Variants in RORA observed in about 807,000 individuals in gnomAD.
RORA encodes the protein nuclear receptor ROR-alpha.
In RORA, 7 loss-of-function variants were observed where a neutral mutation model predicts 69.5. The ratio of observed to expected loss-of-function variants is 0.10; its 90% CI spans 0.06 to 0.19. The LOEUF is 0.19. RORA is among the 10% of genes least tolerant of loss of function. The pLI is 1.00. For missense variants in RORA, 457 were observed against 663.0 expected (o/e 0.69, Z 3.41); for synonymous variants, 261 against 240.8 (o/e 1.08, Z -0.78).
intron 2 of RORA, among the ~76,000 whole-genome samples, chr15:60,560,726 C>T (rs1415414034): frequency 6.6e-6 from 1 of 150,724 alleles, no homozygotes; most frequent in Non-Finnish European, 1.5e-5. Context: ...TAACTGTATT[C>T]AAATGACTTT....
intron 1 of RORA, among the ~76,000 whole-genome samples, chr15:61,212,549 AC>A (rs1373136607): frequency 1.3e-5 from 2 of 151,984 alleles, no homozygotes; most frequent in Non-Finnish European, 2.9e-5. Context: ...ACAAGTGCAC[AC>A]CTGGCTAATT....
chr15:60,832,954 G>C (rs2073064766), intron 1 of RORA, among the ~76,000 whole-genome samples: 2 of 152,042 alleles, frequency 1.3e-5, no homozygotes, highest in East Asian at 1.9e-4. Flanking sequence ...GCCCAGGCTG[G>C]AGTGCAGTGG....
rs192475315 is a variant in RORA at position 60,859,512 on chromosome 15, T to C, written c.167-180826A>G. ...TTTTTTGAGACAGGGTCTTGCTCTG[T>C]CATCCAGGCTGGAGTGCAGTGGCAC... On this transcript the variant is annotated intron_variant, in intron 1 of 10. Coordinates refer to ENST00000335670, the MANE Select transcript of RORA (RefSeq NM_134261.3). Among the ~76,000 whole-genome samples, 168 of 151,014 alleles carry C rather than the reference T, an allele frequency of 1.1e-3. 1 individual carries two copies. The highest frequency in any genetic ancestry group is 2.9e-3 in the African/African-American group (120 of 41,120).
At chr15:60,709,040 A>T (rs1173299331) in intron 1 of RORA, among the ~76,000 whole-genome samples, 1 of 152,234 alleles carries the variant, frequency 6.6e-6, no homozygotes, top group African/African-American at 2.4e-5. Flanking sequence ...GCCCATGAGC[A>T]TGGGGAAAAT....
At chr15:60,777,317 C>T (rs1264847754) in intron 1 of RORA, among the ~76,000 whole-genome samples, 1 of 152,200 alleles carries the variant, frequency 6.6e-6, no homozygotes, top group African/African-American at 2.4e-5. Flanking sequence ...AACGAGCAGC[C>T]TCATGGTATC....
chr15:60,983,877 T>C (rs1344765919), intron 1 of RORA, among the ~76,000 whole-genome samples: 10 of 152,210 alleles, frequency 6.6e-5, no homozygotes, highest in Admixed American at 5.9e-4. Flanking sequence ...AGACTGTACC[T>C]TGGGCCATGG....
chr15:61,098,205 C>A (rs1331363753), intron 1 of RORA, among the ~76,000 whole-genome samples: 1 of 138,866 alleles, frequency 7.2e-6, no homozygotes. Flanking sequence ...TCCTTCCTTC[C>A]TTCTTCCCTC....
intron 1 of RORA, among the ~76,000 whole-genome samples, chr15:60,895,842 T>A (rs1185273911): frequency 6.6e-6 from 1 of 152,220 alleles, no homozygotes; most frequent in Non-Finnish European, 1.5e-5. Flanking sequence ...TCTCATTTTC[T>A]TAAGGCTTCA....
chr15:60,521,597 C>T (rs943588582), intron 3 of RORA, among the ~76,000 whole-genome samples: 14 of 152,142 alleles, frequency 9.2e-5, no homozygotes, highest in African/African-American at 2.7e-4. Context: ...ACTTTGACTT[C>T]CTTTTGTTAA....
At chr15:60,804,580 T>C (rs572656702) in intron 1 of RORA, among the ~76,000 whole-genome samples, 1 of 152,294 alleles carries the variant, frequency 6.6e-6, no homozygotes, top group African/African-American at 2.4e-5. Flanking sequence ...ATCAGGGCCA[T>C]TTAAAATGTG....
chr15:60,800,564 G>C (rs914117665), intron 1 of RORA, among the ~76,000 whole-genome samples: 15 of 152,304 alleles, frequency 9.8e-5, no homozygotes, highest in Non-Finnish European at 2.9e-5. Flanking sequence ...ACAGCACTGT[G>C]AGAGGAGGGC....
intron 1 of RORA, chr15:60,706,091 G>A (rs1003693358): frequency 1.3e-4 from 20 of 152,130 alleles, no homozygotes; most frequent in African/African-American, 2.7e-4. Flanking sequence ...TCAAAGCACC[G>A]AATCCACCCA....
At chr15:60,524,709 A>G (rs1395414792) in intron 3 of RORA, among the ~76,000 whole-genome samples, 5 of 152,216 alleles carry the variant, frequency 3.3e-5, no homozygotes, top group Admixed American at 6.5e-5. Flanking sequence ...AAGTCAATAA[A>G]TACTTGTTGA....
chr15:61,132,844 C>A (rs1029608489), intron 1 of RORA, among the ~76,000 whole-genome samples: 2 of 152,092 alleles, frequency 1.3e-5, no homozygotes, highest in Non-Finnish European at 2.9e-5. Context: ...ATATGATTGA[C>A]CTGTATAAAT....
Position 60,531,910 on chromosome 15 carries a change from G to A in RORA, c.197-59C>T, listed in dbSNP as rs1028895891. On this transcript the variant is annotated intron_variant, in intron 2 of 10. Transcript: ENST00000335670. This position sits in a 1 kb window ranked among gnomAD's most constrained non-coding sequence, Gnocchi z 4.8. ...TTTCTTTTAAACACCTTATAAAAGCGTTCCCTGATCAGCATTTGTATAGTG... is the reference window on the plus strand; with the variant it reads ...TTTCTTTTAAACACCTTATAAAAGCATTCCCTGATCAGCATTTGTATAGTG... 5.7e-5 allele frequency: 56 copies of A among 979,164 alleles called. No individual in the cohort carries two copies. In the Admixed American group the frequency reaches 7.3e-4, roughly 13 times the overall value. 60.7% of individuals were successfully genotyped at this position (979,164 alleles called of 1,614,324 possible). A position where few individuals can be genotyped will look rare whatever the true frequency, so the allele number is the denominator to read the frequency against.
chr15:61,038,343 C>A (rs1463425615), intron 1 of RORA, among the ~76,000 whole-genome samples: 3 of 152,194 alleles, frequency 2.0e-5, no homozygotes, highest in Middle Eastern at 3.4e-3. Context: ...TTTCTTTGGA[C>A]CAGCAGAGGA....
At chr15:60,506,322 G>C (rs935410971) in intron 5 of RORA, among the ~76,000 whole-genome samples, 1 of 152,108 alleles carries the variant, frequency 6.6e-6, no homozygotes, top group African/African-American at 2.4e-5. Context: ...AAAGAGTTGA[G>C]CCCTTAGAAT....
At chr15:60,918,027 G>A (rs8042921) in intron 1 of RORA, among the ~76,000 whole-genome samples, 98,701 of 151,746 alleles carry the variant, frequency 0.65, 32,831 homozygotes, top group East Asian at 0.82. Flanking sequence ...TATACCATGT[G>A]TCCCTGTACG....
At position 60,932,715 on chromosome 15, in the gene RORA, T is replaced by C. The variant is rs113375604; in HGVS notation, c.167-254029A>G. ...TGACTCAGTAGGTGGTTCCGACTTCTCTGAGTCAGAACCAAGCCCATGGCC... is the reference window on the plus strand; with the variant it reads ...TGACTCAGTAGGTGGTTCCGACTTCCCTGAGTCAGAACCAAGCCCATGGCC... On this transcript the variant is annotated intron_variant, in intron 1 of 10. Coordinates refer to ENST00000335670, the MANE Select transcript of RORA (RefSeq NM_134261.3). Among the ~76,000 whole-genome samples the C allele has an allele frequency of 8.3e-3, 1,270 of 152,288 alleles. 19 individuals are homozygous for C. The highest frequency in any genetic ancestry group is 0.029 in the African/African-American group (1,206 of 41,554).
Sources: gnomAD v4.1 joint callset for allele counts (sites outside exome capture counted in the v4.1 genomes callset) on GRCh38, gnomAD v4.1.1 for gene constraint, Gnocchi (gnomAD v3.1) non-coding constraint, MANE v1.5 for transcripts, NCBI Gene and HGNC (gene_info 2026-07-23, HGNC 2026-07-21) for gene names.